Variants in FSTL5 observed in about 807,000 individuals in gnomAD.
FSTL5 encodes the protein follistatin like 5, also known as follistatin-related protein 5.
A neutral mutation model predicts 89.1 loss-of-function variants in FSTL5; 62 were observed. The observed-to-expected ratio is 0.70, with a 90% confidence interval of 0.57 to 0.86. FSTL5 has a LOEUF of 0.86. FSTL5 is among the 40% of genes least tolerant of loss of function. The probability of loss-of-function intolerance (pLI) is 0.00; values close to 1 mark genes in which losing one functional copy is unlikely to be tolerated. For missense variants in FSTL5, 1,057 were observed against 1,001.6 expected (o/e 1.06, Z -0.75); for synonymous variants, 383 against 346.2 (o/e 1.11, Z -1.18).
At chr4:161,921,832 A>G (rs1027780506) in intron 3 of FSTL5, among the ~76,000 whole-genome samples, 1 of 152,096 alleles carries the variant, frequency 6.6e-6, no homozygotes, top group African/African-American at 2.4e-5. Flanking sequence ...AGGGATAACA[A>G]TAGTGTATCC....
At chr4:161,421,128 T>C (rs1578960207) in intron 15 of FSTL5, among the ~76,000 whole-genome samples, 1 of 151,876 alleles carries the variant, frequency 6.6e-6, no homozygotes, top group Admixed American at 6.6e-5. Context: ...GATCACGAGG[T>C]CAGGAGATCG....
At chr4:162,068,928 C>A (rs193139779) in intron 2 of FSTL5, among the ~76,000 whole-genome samples, 111 of 152,012 alleles carry the variant, frequency 7.3e-4, no homozygotes, top group Admixed American at 2.7e-3. Flanking sequence ...TTGTGGCCAA[C>A]AAGCATTTGA....
intron 13 of FSTL5, among the ~76,000 whole-genome samples, chr4:161,469,259 C>T (rs1303582108): frequency 6.6e-6 from 1 of 152,130 alleles, no homozygotes; most frequent in Non-Finnish European, 1.5e-5. Flanking sequence ...GAATTTCTTT[C>T]CCTTGTAAGG....
chr4:161,522,291 T>A (rs958488397), intron 10 of FSTL5, among the ~76,000 whole-genome samples: 1 of 152,174 alleles, frequency 6.6e-6, no homozygotes, highest in African/African-American at 2.4e-5. Context: ...TGTAGCCAAC[T>A]GTGGCTGTGG....
intron 9 of FSTL5, among the ~76,000 whole-genome samples, chr4:161,540,810 G>A (rs558335337): frequency 9.2e-5 from 14 of 151,730 alleles, no homozygotes; most frequent in Admixed American, 4.6e-4. Flanking sequence ...TCTAAATGTC[G>A]CAAGAACATG....
intron 15 of FSTL5, among the ~76,000 whole-genome samples, chr4:161,453,798 T>C (rs1409972059): frequency 6.6e-6 from 1 of 152,090 alleles, no homozygotes; most frequent in Admixed American, 6.6e-5. Flanking sequence ...TTTGCCATGT[T>C]GCCCAGGCTG....
chr4:161,931,322 G>A (rs1734277445), intron 3 of FSTL5, among the ~76,000 whole-genome samples: 1 of 151,816 alleles, frequency 6.6e-6, no homozygotes, highest in Non-Finnish European at 1.5e-5. Context: ...CACTACCTTG[G>A]TCTAGGTGAA....
chr4:161,760,089 A>G (rs1740732626), intron 5 of FSTL5, among the ~76,000 whole-genome samples: 1 of 151,910 alleles, frequency 6.6e-6, no homozygotes, highest in African/African-American at 2.4e-5. Flanking sequence ...CAAAAGAGCT[A>G]TTAAGCAAAT....
chr4:161,813,996 T>C (rs1194304996), intron 4 of FSTL5, among the ~76,000 whole-genome samples: 1 of 150,078 alleles, frequency 6.7e-6, no homozygotes, highest in South Asian at 2.1e-4. Context: ...AATTCAAAGA[T>C]GAAAAAAATC....
chr4:161,412,952 A>G (rs1173218586), intron 15 of FSTL5, among the ~76,000 whole-genome samples: 2 of 152,146 alleles, frequency 1.3e-5, no homozygotes, highest in African/African-American at 4.8e-5. Flanking sequence ...TAAGGCCTCA[A>G]ATTATTAAAA....
At chr4:161,587,332 A>C in intron 8 of FSTL5, 123 bp downstream of exon 8, 4 of 767,548 alleles carry the variant, frequency 5.2e-6, no homozygotes, top group Middle Eastern at 3.9e-4. Flanking sequence ...TTACATTATC[A>C]GTTGAGTCTC....
intron 4 of FSTL5, among the ~76,000 whole-genome samples, chr4:161,903,635 G>A (rs898182239): frequency 5.9e-5 from 9 of 151,964 alleles, no homozygotes; most frequent in Non-Finnish European, 1.3e-4. Flanking sequence ...TCAACTATGG[G>A]AGCTCCATCA....
chr4:161,634,031 C>G (rs1735599122), intron 7 of FSTL5, among the ~76,000 whole-genome samples: 1 of 152,154 alleles, frequency 6.6e-6, no homozygotes, highest in African/African-American at 2.4e-5. Flanking sequence ...AACGTATACA[C>G]AAATCAACAT....
chr4:162,050,423 T>G (rs1578987187), intron 2 of FSTL5, among the ~76,000 whole-genome samples: 1 of 150,986 alleles, frequency 6.6e-6, no homozygotes, highest in Middle Eastern at 3.6e-3. Context: ...TTCTTAGGAA[T>G]AAAAGGAACA....
At chr4:161,743,788 T>C (rs1740104042) in intron 6 of FSTL5, among the ~76,000 whole-genome samples, 1 of 152,204 alleles carries the variant, frequency 6.6e-6, no homozygotes, top group Non-Finnish European at 1.5e-5. Flanking sequence ...ATACTTTGGT[T>C]ATAAAATTAT....
chr4:161,607,643 A>C (rs903872499), intron 7 of FSTL5, among the ~76,000 whole-genome samples: 42 of 152,180 alleles, frequency 2.8e-4, no homozygotes, highest in African/African-American at 1.0e-3. Context: ...GGGAATGGAT[A>C]ATTTTCTTTT....
At chr4:161,501,218 A>G (rs920478900) in intron 11 of FSTL5, among the ~76,000 whole-genome samples, 4 of 152,160 alleles carry the variant, frequency 2.6e-5, no homozygotes, top group Admixed American at 2.0e-4. Context: ...TTAAATAAAA[A>G]ATAATTTTCT....
At chr4:161,518,795 T>C (rs568331844) in intron 10 of FSTL5, among the ~76,000 whole-genome samples, 1 of 152,334 alleles carries the variant, frequency 6.6e-6, no homozygotes, top group East Asian at 1.9e-4. Context: ...TCAAACTTAG[T>C]GGCTTAAAAC....
intron 10 of FSTL5, among the ~76,000 whole-genome samples, chr4:161,524,957 CA>C (rs1189535742): frequency 0.039 from 4,580 of 116,366 alleles, 177 homozygotes; most frequent in African/African-American, 0.12. Context: ...GACTCCATCT[CA>C]AAAAAAAAAA....
Sources: gnomAD v4.1 joint callset for allele counts (sites outside exome capture counted in the v4.1 genomes callset) on GRCh38, gnomAD v4.1.1 for gene constraint, MANE v1.5 for transcripts, NCBI Gene and HGNC (gene_info 2026-07-23, HGNC 2026-07-21) for gene names.